The following SNTG1 variants were observed in gnomAD, a reference collection of about 807,000 sequenced individuals.
SNTG1 encodes gamma-1-syntrophin.
SNTG1 carries 39 observed loss-of-function variants against 74.7 expected under a neutral mutation model. That is an observed-to-expected ratio of 0.52 (90% CI 0.40 to 0.68). The LOEUF is 0.68. Among genes scored for constraint, SNTG1 ranks in the 30% least tolerant of loss-of-function variants. The pLI is 0.00. For synonymous variants in SNTG1, 254 were observed against 217.1 expected, an observed-to-expected ratio of 1.17 and a Z score of -1.49; for missense variants, 685 against 609.5, an observed-to-expected ratio of 1.12 and a Z score of -1.30.
intron 15 of SNTG1, among the ~76,000 whole-genome samples, chr8:50,698,351 G>A (rs892515226): frequency 1.3e-5 from 2 of 152,088 alleles, no homozygotes; most frequent in Admixed American, 1.3e-4. Context: ...TTTGTCAGTA[G>A]GTTTGGCTGT....
At chr8:50,373,303 A>AATTTAATG (rs1249268998) in intron 2 of SNTG1, among the ~76,000 whole-genome samples, 1 of 152,230 alleles carries the variant, frequency 6.6e-6, no homozygotes, top group Non-Finnish European at 1.5e-5. Context: ...TACAGAAGTT[A>AATTTAATG]ATTTAATGTT....
intron 8 of SNTG1, among the ~76,000 whole-genome samples, chr8:50,501,068 T>C (rs1256593940): frequency 2.6e-5 from 4 of 152,186 alleles, no homozygotes; most frequent in African/African-American, 4.8e-5. Context: ...CAGAGTGTTC[T>C]GAGGCCCAGG....
chr8:50,207,311 A>T (rs1044974834), intron 2 of SNTG1, among the ~76,000 whole-genome samples: 4 of 152,218 alleles, frequency 2.6e-5, no homozygotes, highest in African/African-American at 7.2e-5. Flanking sequence ...GTATATGTCC[A>T]GGAATTTATC....
At chr8:50,016,470 T>A (rs1816326084) in intron 1 of SNTG1, among the ~76,000 whole-genome samples, 1 of 152,088 alleles carries the variant, frequency 6.6e-6, no homozygotes, top group Admixed American at 6.6e-5. Context: ...ACAACTTAGA[T>A]GATTGCTCTC....
intron 2 of SNTG1, among the ~76,000 whole-genome samples, chr8:50,248,105 T>G (rs2086482398): frequency 1.3e-5 from 2 of 152,170 alleles, no homozygotes; most frequent in South Asian, 4.1e-4. Context: ...CATATTGAAT[T>G]AGGGTCCACA....
intron 1 of SNTG1, among the ~76,000 whole-genome samples, chr8:50,057,657 G>A (rs963681709): frequency 3.3e-5 from 5 of 152,212 alleles, no homozygotes; most frequent in Middle Eastern, 3.4e-3. Context: ...AAGGCCTATA[G>A]CACTATGTAC....
intron 18 of SNTG1, among the ~76,000 whole-genome samples, chr8:50,757,723 T>C (rs1288307034): frequency 1.3e-5 from 2 of 151,980 alleles, no homozygotes; most frequent in African/African-American, 2.4e-5. Context: ...TTCTTATCCT[T>C]GTGAATTTAT....
intron 1 of SNTG1, among the ~76,000 whole-genome samples, chr8:49,992,533 G>C (rs1813790095): frequency 6.6e-6 from 1 of 152,048 alleles, no homozygotes; most frequent in Non-Finnish European, 1.5e-5. Flanking sequence ...AACCTTGGTG[G>C]GTATAAGCCT....
In SNTG1 at chr8:50,360,796, G is replaced by T. The variant is rs189455452; in HGVS notation, c.-27-33416G>T. On this transcript the variant is annotated intron_variant, in intron 2 of 18. Coordinates refer to ENST00000642720, the MANE Select transcript of SNTG1 (RefSeq NM_018967.5). Reference sequence around the variant, plus strand: ...TGGTACACCTATATAGAGCACTTATGATGAATGGAGCTTGCAGGACTATAA... The same window carrying T: ...TGGTACACCTATATAGAGCACTTATTATGAATGGAGCTTGCAGGACTATAA... Among the ~76,000 whole-genome samples the T allele has an allele frequency of 2.8e-4, 42 of 152,228 alleles. No homozygotes were observed. The East Asian group carries it at 6.8e-3, about 25-fold the overall frequency.
At chr8:50,275,441 A>G (rs193148782) in intron 2 of SNTG1, among the ~76,000 whole-genome samples, 19 of 152,076 alleles carry the variant, frequency 1.2e-4, no homozygotes, top group Admixed American at 1.1e-3. Context: ...CTTCTAGCAT[A>G]TTAGTTTATA....
intron 13 of SNTG1, among the ~76,000 whole-genome samples, chr8:50,641,901 G>T (rs957262222): frequency 6.6e-6 from 1 of 152,150 alleles, no homozygotes; most frequent in East Asian, 1.9e-4. Flanking sequence ...ACAGTTTCAA[G>T]ACTTTAAATA....
chr8:50,743,772 T>G (rs1038567496), intron 17 of SNTG1, among the ~76,000 whole-genome samples: 21 of 151,888 alleles, frequency 1.4e-4, no homozygotes, highest in African/African-American at 4.8e-4. Context: ...TAGGCCATTC[T>G]TGGATCAGTA....
chr8:50,692,215 T>G (rs1046160380), intron 15 of SNTG1, among the ~76,000 whole-genome samples: 45 of 152,040 alleles, frequency 3.0e-4, no homozygotes, highest in African/African-American at 8.7e-4. Context: ...TAGCTCGGAG[T>G]AGTTTGATCA....
intron 1 of SNTG1, among the ~76,000 whole-genome samples, chr8:49,918,792 GA>G (rs889689712): frequency 6.6e-6 from 1 of 151,840 alleles, no homozygotes; most frequent in East Asian, 1.9e-4. Context: ...GTTATTGATG[GA>G]AAAAAAGGAG....
chr8:50,072,027 C>A (rs1275203791), intron 1 of SNTG1, among the ~76,000 whole-genome samples: 1 of 152,084 alleles, frequency 6.6e-6, no homozygotes, highest in Non-Finnish European at 1.5e-5. Flanking sequence ...AATGAACCCC[C>A]CAGTGTGATT....
intron 1 of SNTG1, among the ~76,000 whole-genome samples, chr8:50,070,386 C>T (rs950095042): frequency 3.9e-5 from 6 of 152,076 alleles, no homozygotes; most frequent in Non-Finnish European, 7.4e-5. Context: ...GTAGTGAAAA[C>T]GTATCATCCA....
At chr8:50,348,980 A>G (rs1032058696) in intron 2 of SNTG1, among the ~76,000 whole-genome samples, 2 of 152,194 alleles carry the variant, frequency 1.3e-5, no homozygotes, top group African/African-American at 2.4e-5. Flanking sequence ...TAAATCTCAT[A>G]ATAAGGATTG....
intron 1 of SNTG1, among the ~76,000 whole-genome samples, chr8:50,071,994 T>C (rs759745328): frequency 2.6e-5 from 4 of 152,330 alleles, no homozygotes; most frequent in African/African-American, 4.8e-5. Context: ...TTCCTAGAAA[T>C]TTAAATTATC....
chr8:50,089,839 G>A (rs1234275126), intron 1 of SNTG1, among the ~76,000 whole-genome samples: 2 of 152,276 alleles, frequency 1.3e-5, no homozygotes, highest in Admixed American at 6.5e-5. Flanking sequence ...CATTGTGGAA[G>A]TCAGTGTGGC....
Sources: allele counts gnomAD v4.1 joint callset (sites outside exome capture counted in the v4.1 genomes callset), GRCh38; gene constraint gnomAD v4.1.1; transcripts MANE v1.5; gene names NCBI Gene and HGNC (gene_info 2026-07-23, HGNC 2026-07-21).